Variants in NSD2 observed in about 807,000 individuals in gnomAD.
NSD2 encodes the protein nuclear receptor binding SET domain protein 2.
NSD2 carries 12 observed loss-of-function variants against 139.0 expected under a neutral mutation model. That is an observed-to-expected ratio of 0.09 (90% confidence interval 0.06 to 0.14). The LOEUF is 0.14. Ranked by LOEUF, NSD2 falls within the 10% of genes least tolerant of loss-of-function variation. The pLI is 1.00. For missense variants in NSD2, 1,155 were observed against 1,745.0 expected (o/e 0.66, Z 6.02); for synonymous variants, 669 against 648.7 (o/e 1.03, Z -0.48).
chr4:1,954,949 C>T (rs1004520712), intron 12 of NSD2, among the ~76,000 whole-genome samples: 6 of 152,248 alleles, frequency 3.9e-5, no homozygotes, highest in African/African-American at 1.4e-4. Context: ...AGTGCCCAGG[C>T]TGAGACACGC....
intron 5 of NSD2, among the ~76,000 whole-genome samples, chr4:1,926,551 A>G (rs1382815727): frequency 3.4e-5 from 5 of 148,466 alleles, no homozygotes; most frequent in African/African-American, 1.0e-4. Flanking sequence ...GCTCACTGCA[A>G]CCTCCGCCTT....
chr4:1,974,615 CT>C lies in NSD2; in HGVS notation c.3373-247del, dbSNP rs769344595. The C allele has an allele frequency of 7.8e-6, 5 of 641,504 alleles. No individual in the cohort carries two copies. 39.7% of individuals were successfully genotyped at this position (641,504 alleles called of 1,614,324 possible). A position where few individuals can be genotyped will look rare whatever the true frequency, so the allele number is the denominator to read the frequency against. ...TCATGGAGGATGCTGGGAGCTCCAG[CT>C]CCCTGTCCTGTCCTCCCCGGCGCTC... On this transcript the variant is annotated intron_variant, in intron 18 of 21. Coordinates refer to ENST00000508803, the MANE Select transcript of NSD2 (RefSeq NM_001042424.3). The surrounding 1 kb of genome is among the most constrained non-coding windows in gnomAD (Gnocchi z 4.0).
intron 1 of NSD2, among the ~76,000 whole-genome samples, chr4:1,896,786 TTTTC>T (rs1467696607): frequency 1.9e-3 from 282 of 151,834 alleles, no homozygotes; most frequent in African/African-American, 6.4e-3. Flanking sequence ...TTTTCTTTTC[TTTTC>T]TTTCTTTCTC....
chr4:1,879,828 G>A (rs1714570959), intron 1 of NSD2, among the ~76,000 whole-genome samples: 1 of 141,960 alleles, frequency 7.0e-6, no homozygotes, highest in Admixed American at 6.8e-5. Context: ...TGGCACTTGT[G>A]TGTGTGTGTG....
At chr4:1,978,214 C>T (rs373846473) in intron 21 of NSD2, among the ~76,000 whole-genome samples, 27 of 152,240 alleles carry the variant, frequency 1.8e-4, no homozygotes, top group African/African-American at 5.8e-4. Flanking sequence ...GCCATGGGTG[C>T]GAGAGGGTGG....
chr4:1,939,750 C>G lies in NSD2; in HGVS notation c.1853C>G (p.Ser618Cys), dbSNP rs774325375. ...GCTCTTGGGTTTAGCAAAAGTTCAT[C>G]TCCTTCTGCATCCTTAACTGAGAAT... ...SSALGFSKSS[S>C]PSASLTENEV... The change falls in exon 9 of 22, where the codon TCT becomes TGT. Residue 618 changes from serine to cysteine, a missense_variant. By Grantham distance (112) the Ser-to-Cys change is moderately radical. This residue lies in a region of NSD2 where 420 missense variants were observed against 469.0 expected (regional missense o/e 0.90). Coordinates refer to ENST00000508803, the MANE Select transcript of NSD2 (RefSeq NM_001042424.3). 47 of 1,614,096 alleles carry G rather than the reference C, an allele frequency of 2.9e-5. No individual in the cohort carries two copies. Among genetic ancestry groups the G allele is most frequent in the Non-Finnish European group, 3.9e-5 (46 of 1,180,040 alleles).
At chr4:1,952,400 T>C (rs1271167727) in intron 11 of NSD2, among the ~76,000 whole-genome samples, 169 bp downstream of exon 11, 2 of 151,472 alleles carry the variant, frequency 1.3e-5, no homozygotes, top group African/African-American at 4.8e-5. Context: ...TGTACCCACC[T>C]CTCAGTAGCT....
At chr4:1,959,849 T>C in intron 17 of NSD2, 109 bp downstream of exon 17, 1 of 1,462,836 alleles carries the variant, frequency 6.8e-7, no homozygotes, top group African/African-American at 1.4e-5. Flanking sequence ...TGGTATTTTT[T>C]GGAAAAAAAA....
chr4:1,955,410 C>T lies in NSD2; in HGVS notation c.2518+70C>T. On this transcript the variant is annotated intron_variant, in intron 13 of 21. Transcript: ENST00000508803. The surrounding 1 kb of genome is among the most constrained non-coding windows in gnomAD (Gnocchi z 4.7). ...CAGGAGCCACATATCAAGGCAGGCTCATTCCTTGTCTGCGCTGTGTTCATT... is the reference window on the plus strand; with the variant it reads ...CAGGAGCCACATATCAAGGCAGGCTTATTCCTTGTCTGCGCTGTGTTCATT... 6.6e-7 allele frequency: 1 copy of T among 1,519,824 alleles called. No homozygotes were observed. The highest frequency in any genetic ancestry group is 8.9e-7 in the Non-Finnish European group (1 of 1,129,218). 94.1% of individuals were successfully genotyped at this position (1,519,824 alleles called of 1,614,324 possible). A position where few individuals can be genotyped will look rare whatever the true frequency, so the allele number is the denominator to read the frequency against.
rs781198289 is a variant in NSD2 at position 1,951,099 on chromosome 4, T to C, written c.1909T>C (p.Ser637Pro). 3.7e-6 allele frequency: 6 copies of C among 1,614,046 alleles called. No homozygotes were observed. The Admixed American group carries it at 1.0e-4, about 27-fold the overall frequency. ...EVSDSPGDEP[S>P]ESPYESADET... is the part of the protein sequence containing the mutation. The stretch of plus-strand genomic sequence containing the variant: ...CTCGGACAGCCCGGGAGACGAGCCC[T>C]CGGAGTCCCCATACGAAAGTGCAGA... Residue 637 changes from serine to proline, a missense_variant, in exon 10 of 22, where the codon TCG becomes CCG. By Grantham distance (74) the Ser-to-Pro change is moderately conservative. This residue lies in a region of NSD2 where 420 missense variants were observed against 469.0 expected (regional missense o/e 0.90). Transcript: ENST00000508803.
chr4:1,947,030 C>T (rs1042918694), intron 9 of NSD2: 41 of 1,063,794 alleles, frequency 3.9e-5, no homozygotes, highest in Admixed American at 5.4e-5. Flanking sequence ...GGGTGGGGGT[C>T]CTGGTCCGGC....
chr4:1,947,034 G>C, intron 9 of NSD2: 1 of 1,064,010 alleles, frequency 9.4e-7, no homozygotes, highest in Non-Finnish European at 1.1e-6. Flanking sequence ...GGGGGTCCTG[G>C]TCCGGCTGAT....
chr4:1,933,700 G>A (rs1329389967), intron 6 of NSD2, among the ~76,000 whole-genome samples: 2 of 152,122 alleles, frequency 1.3e-5, no homozygotes, highest in African/African-American at 4.8e-5. Context: ...GGCCCTGCAA[G>A]ATGTTTTATG....
chr4:1,926,361 G>T (rs1370472846), intron 5 of NSD2, among the ~76,000 whole-genome samples: 1 of 150,892 alleles, frequency 6.6e-6, no homozygotes, highest in Non-Finnish European at 1.5e-5. Flanking sequence ...CACCATGTTG[G>T]CCAGGCTGGT....
intron 9 of NSD2, chr4:1,943,569 T>C (rs1240743363): frequency 9.5e-7 from 1 of 1,050,266 alleles, no homozygotes; most frequent in African/African-American, 1.7e-5. Context: ...GTGTGGCGCT[T>C]TAGGGTGCTG....
chr4:1,872,471 C>T (rs974319812), intron 1 of NSD2, among the ~76,000 whole-genome samples: 3 of 152,134 alleles, frequency 2.0e-5, no homozygotes, highest in Admixed American at 6.5e-5. Context: ...ACGAATCTTT[C>T]TGTGCCCACG....
chr4:1,956,200 T>A lies in NSD2; in HGVS notation c.2881+12T>A. The stretch of plus-strand genomic sequence containing the variant: ...AGTCTTCAAAAACGGTACGGAGATA[T>A]TCAGATAGAGAGTGAGACAGCACTC... On this transcript the variant is annotated intron_variant, in intron 15 of 21. Transcript: ENST00000508803. This position sits in a 1 kb window ranked among gnomAD's most constrained non-coding sequence, Gnocchi z 5.3. 6.3e-7 allele frequency: 1 copy of A among 1,583,944 alleles called. No individual in the cohort carries two copies. Among genetic ancestry groups the A allele is most frequent in the Non-Finnish European group, 8.6e-7 (1 of 1,163,244 alleles).
chr4:1,876,418 C>G (rs1451718252), intron 1 of NSD2, among the ~76,000 whole-genome samples: 2 of 152,090 alleles, frequency 1.3e-5, no homozygotes, highest in African/African-American at 2.4e-5. Context: ...TGGATAGGCA[C>G]AGTTGCTCAT....
At chr4:1,941,042 A>T in intron 9 of NSD2, 1 of 1,057,214 alleles carries the variant, frequency 9.5e-7, no homozygotes, top group Non-Finnish European at 1.1e-6. Context: ...TGATGTTTGG[A>T]CACACTGGAG....
Sources: gnomAD v4.1 joint callset for allele counts (sites outside exome capture counted in the v4.1 genomes callset) on GRCh38, gnomAD v4.1.1 for gene constraint, gnomAD v4.1.1 regional missense constraint, Gnocchi (gnomAD v3.1) non-coding constraint, MANE v1.5 for transcripts, NCBI Gene and HGNC (gene_info 2026-07-23, HGNC 2026-07-21) for gene names.